TCF7L1: variants seen among roughly 807,000 people sequenced by gnomAD.
The protein encoded by TCF7L1 is transcription factor 7-like 1.
A neutral mutation model predicts 63.7 loss-of-function variants in TCF7L1; 18 were observed. The observed-to-expected ratio is 0.28, with a 90% CI of 0.20 to 0.42. TCF7L1 has a LOEUF of 0.42. Among genes scored for constraint, TCF7L1 ranks in the 10% least tolerant of loss-of-function variants. The probability of loss-of-function intolerance (pLI) is 1.00; values close to 1 mark genes in which losing one functional copy is unlikely to be tolerated. For synonymous variants in TCF7L1, 355 were observed against 340.9 expected (o/e 1.04, Z -0.46); for missense variants, 654 against 779.3 (o/e 0.84, Z 1.91).
intron 3 of TCF7L1, among the ~76,000 whole-genome samples, chr2:85,263,582 C>T (rs1680904770): frequency 6.6e-6 from 1 of 152,206 alleles, no homozygotes; most frequent in South Asian, 2.1e-4. Context: ...TTACATCATC[C>T]ATCATAATTG....
chr2:85,308,999 T>G, intron 11 of TCF7L1, 30 bp from the exon 12 acceptor site: 1 of 1,557,408 alleles, frequency 6.4e-7, no homozygotes, highest in Non-Finnish European at 8.7e-7. Flanking sequence ...GAGCTATAGC[T>G]GCTCACTCTT....
intron 3 of TCF7L1, among the ~76,000 whole-genome samples, chr2:85,200,161 G>A (rs1011265891): frequency 5.3e-5 from 8 of 152,194 alleles, no homozygotes; most frequent in South Asian, 4.1e-4. Flanking sequence ...ATTGGTGGAC[G>A]TTGGGGTTGT....
At chr2:85,246,683 C>T (rs1680472516) in intron 3 of TCF7L1, among the ~76,000 whole-genome samples, 2 of 152,198 alleles carry the variant, frequency 1.3e-5, no homozygotes, top group South Asian at 4.1e-4. Flanking sequence ...TGGATATTGC[C>T]ACCAGCATTT....
chr2:85,211,788 A>G (rs539208386), intron 3 of TCF7L1, among the ~76,000 whole-genome samples: 48 of 152,266 alleles, frequency 3.2e-4, no homozygotes, highest in Admixed American at 5.2e-4. Context: ...TAAAAAAGGC[A>G]TGTAAAAATC....
intron 3 of TCF7L1, among the ~76,000 whole-genome samples, chr2:85,155,756 A>T (rs529830449): frequency 2.0e-5 from 3 of 152,154 alleles, no homozygotes; most frequent in Admixed American, 6.5e-5. Flanking sequence ...CAGGATTAGG[A>T]CGTTAATTTC....
At chr2:85,205,643 C>T (rs1679390805) in intron 3 of TCF7L1, among the ~76,000 whole-genome samples, 2 of 151,934 alleles carry the variant, frequency 1.3e-5, no homozygotes, top group South Asian at 4.2e-4. Context: ...GCGATCCTCC[C>T]ACCTCAGCCT....
chr2:85,212,068 C>T (rs915295216), intron 3 of TCF7L1, among the ~76,000 whole-genome samples: 19 of 114,460 alleles, frequency 1.7e-4, no homozygotes, highest in African/African-American at 5.0e-4. Context: ...CCAGCCTGGG[C>T]GACAGAGCAA....
intron 3 of TCF7L1, among the ~76,000 whole-genome samples, chr2:85,260,038 C>CT (rs1336999752): frequency 1.3e-5 from 2 of 152,208 alleles, no homozygotes; most frequent in Non-Finnish European, 2.9e-5. Flanking sequence ...AAACTGCAGG[C>CT]TTATCTCCTT....
intron 3 of TCF7L1, among the ~76,000 whole-genome samples, chr2:85,135,366 A>G (rs1400187212): frequency 6.6e-6 from 1 of 151,932 alleles, no homozygotes; most frequent in Admixed American, 6.6e-5. Context: ...ACGCCTACCT[A>G]CTGTGTGCCA....
At chr2:85,305,917 C>T (rs984587004) in intron 8 of TCF7L1, among the ~76,000 whole-genome samples, 9 of 152,130 alleles carry the variant, frequency 5.9e-5, no homozygotes, top group African/African-American at 2.2e-4. Flanking sequence ...GCCGCCAGCA[C>T]CTGCCAGCTC....
intron 4 of TCF7L1, among the ~76,000 whole-genome samples, chr2:85,294,053 T>TC: frequency 9.9e-6 from 1 of 101,148 alleles, no homozygotes; most frequent in Non-Finnish European, 2.3e-5. Flanking sequence ...TTTTTTTTTT[T>TC]TGAGATGGGG....
intron 3 of TCF7L1, among the ~76,000 whole-genome samples, chr2:85,215,366 G>A (rs1679675271): frequency 6.6e-6 from 1 of 152,226 alleles, no homozygotes; most frequent in Non-Finnish European, 1.5e-5. Flanking sequence ...GGGAACTCCA[G>A]GGAGCCACAT....
chr2:85,218,839 A>G (rs542896663), intron 3 of TCF7L1, among the ~76,000 whole-genome samples: 3 of 152,236 alleles, frequency 2.0e-5, no homozygotes, highest in South Asian at 2.1e-4. Flanking sequence ...ATATAAAAGG[A>G]TACTCTGTGA....
intron 3 of TCF7L1, among the ~76,000 whole-genome samples, chr2:85,248,178 G>GC (rs771194300): frequency 3.0e-4 from 45 of 152,212 alleles, no homozygotes; most frequent in Non-Finnish European, 6.3e-4. Context: ...GGAGCTAACT[G>GC]CCCCCCTGCA....
intron 4 of TCF7L1, among the ~76,000 whole-genome samples, chr2:85,284,594 C>T (rs1480933753): frequency 6.6e-6 from 1 of 152,170 alleles, no homozygotes; most frequent in East Asian, 1.9e-4. Context: ...TGGGTCAACA[C>T]TTGCCTTAAG....
chr2:85,228,305 C>T (rs1473919412), intron 3 of TCF7L1, among the ~76,000 whole-genome samples: 1 of 152,112 alleles, frequency 6.6e-6, no homozygotes, highest in Non-Finnish European at 1.5e-5. Flanking sequence ...CCTGTAGTCT[C>T]AGCTACTTGG....
chr2:85,222,691 A>T (rs1304431488), intron 3 of TCF7L1, among the ~76,000 whole-genome samples: 2 of 150,270 alleles, frequency 1.3e-5, no homozygotes, highest in East Asian at 2.0e-4. Context: ...AAAAAAAAAG[A>T]TTAAAGGCTT....
At chr2:85,191,391 G>A (rs748192881) in intron 3 of TCF7L1, among the ~76,000 whole-genome samples, 9 of 152,190 alleles carry the variant, frequency 5.9e-5, no homozygotes, top group Non-Finnish European at 1.2e-4. Flanking sequence ...CCCTGATCTG[G>A]TGCCAGCCCA....
chr2:85,164,164 G>A (rs981477193), intron 3 of TCF7L1, among the ~76,000 whole-genome samples: 3 of 152,030 alleles, frequency 2.0e-5, no homozygotes, highest in South Asian at 2.1e-4. Context: ...TCAAAACACC[G>A]GAGCCCAGGG....
Sources: gnomAD v4.1 joint callset for allele counts (sites outside exome capture counted in the v4.1 genomes callset) on GRCh38, gnomAD v4.1.1 for gene constraint, MANE v1.5 for transcripts, NCBI Gene and HGNC (gene_info 2026-07-23, HGNC 2026-07-21) for gene names.